Variants in NLGN1 observed in about 807,000 individuals in gnomAD.
NLGN1 encodes the protein neuroligin-1.
In NLGN1, 12 loss-of-function variants were observed where a neutral mutation model predicts 65.5. That is an observed-to-expected ratio of 0.18 (90% CI 0.12 to 0.30). The LOEUF (loss-of-function observed/expected upper bound fraction) is 0.30, where lower values mean the gene tolerates loss of function less well. Ranked by LOEUF, NLGN1 falls within the 10% of genes least tolerant of loss-of-function variation. The pLI is 1.00. For missense variants in NLGN1, 750 were observed against 1,007.1 expected (o/e 0.74, Z 3.46); for synonymous variants, 350 against 359.5 (o/e 0.97, Z 0.30).
intron 4 of NLGN1, among the ~76,000 whole-genome samples, chr3:174,104,588 A>G (rs914870832): frequency 2.6e-5 from 4 of 152,206 alleles, no homozygotes; most frequent in Non-Finnish European, 5.9e-5. Context: ...AATCTAAATA[A>G]GAATAAAAGA....
At chr3:173,480,081 C>T (rs186215060) in intron 2 of NLGN1, among the ~76,000 whole-genome samples, 89 of 152,144 alleles carry the variant, frequency 5.8e-4, no homozygotes, top group Admixed American at 1.3e-3. Flanking sequence ...TTAGTTCAGA[C>T]GGTTTGGAGT....
At chr3:173,956,180 A>T (rs1328608683) in intron 4 of NLGN1, among the ~76,000 whole-genome samples, 1 of 152,134 alleles carries the variant, frequency 6.6e-6, no homozygotes. Context: ...TTTAAAATAA[A>T]TAAATCAAGC....
chr3:174,210,776 G>C (rs1736309807), intron 4 of NLGN1, among the ~76,000 whole-genome samples: 1 of 152,152 alleles, frequency 6.6e-6, no homozygotes, highest in African/African-American at 2.4e-5. Context: ...ATCAACGCCA[G>C]AGCAACAGGA....
chr3:173,826,274 T>G (rs1215874639), intron 4 of NLGN1, among the ~76,000 whole-genome samples: 1 of 152,108 alleles, frequency 6.6e-6, no homozygotes, highest in African/African-American at 2.4e-5. Context: ...CTTAATCTTG[T>G]ATCTCTGCCA....
chr3:173,477,332 C>T (rs1576879419), intron 2 of NLGN1, among the ~76,000 whole-genome samples: 1 of 151,888 alleles, frequency 6.6e-6, no homozygotes, highest in African/African-American at 2.4e-5. Context: ...CTTGAGGCCA[C>T]GAATTCAAGA....
chr3:173,785,147 C>T (rs946550225), intron 3 of NLGN1, among the ~76,000 whole-genome samples: 2 of 152,184 alleles, frequency 1.3e-5, no homozygotes, highest in African/African-American at 4.8e-5. Context: ...TCAAAAGCCG[C>T]CCCACTTCCC....
At chr3:174,175,193 ATT>A (rs1281054754) in intron 4 of NLGN1, among the ~76,000 whole-genome samples, 1 of 151,532 alleles carries the variant, frequency 6.6e-6, no homozygotes, top group Non-Finnish European at 1.5e-5. Flanking sequence ...TTCTTTGCTG[ATT>A]TTTTTTGTCT....
rs116426273 is a variant in NLGN1 at position 173,889,940 on chromosome 3, A to G, written c.646+82108A>G. ...AATGCAATAAATTGTGGGAACTGGT[A>G]GAGATTTTGCCAAAAATAAAGGGCC... On this transcript the variant is annotated intron_variant, in intron 4 of 6. Coordinates refer to ENST00000457714, the Ensembl canonical transcript of NLGN1. Among the ~76,000 whole-genome samples the G allele has an allele frequency of 2.8e-3, 421 of 152,136 alleles. 3 individuals carry two copies. The highest frequency in any genetic ancestry group is 9.2e-3 in the African/African-American group (383 of 41,518).
intron 4 of NLGN1, among the ~76,000 whole-genome samples, chr3:174,062,727 C>A (rs1391958668): frequency 6.6e-6 from 1 of 151,788 alleles, no homozygotes; most frequent in Non-Finnish European, 1.5e-5. Context: ...GTTGAAATTG[C>A]TATCTTTGTG....
intron 4 of NLGN1, among the ~76,000 whole-genome samples, chr3:173,812,927 C>A (rs4894454): frequency 0.094 from 14,077 of 149,456 alleles, 693 homozygotes; most frequent in Middle Eastern, 0.13. Context: ...AAAGAGCTTT[C>A]ACTATAGTTG....
At chr3:174,011,712 C>T (rs1725586330) in intron 4 of NLGN1, among the ~76,000 whole-genome samples, 2 of 152,202 alleles carry the variant, frequency 1.3e-5, no homozygotes, top group Admixed American at 6.5e-5. Flanking sequence ...AATGGAGATA[C>T]TACCACCTAC....
chr3:173,412,782 C>T (rs759981367), intron 1 of NLGN1, among the ~76,000 whole-genome samples: 8 of 152,318 alleles, frequency 5.3e-5, no homozygotes, highest in Non-Finnish European at 7.3e-5. Context: ...TTGACAGCAT[C>T]AGGCATATCC....
chr3:174,160,678 A>G (rs750794632), intron 4 of NLGN1, among the ~76,000 whole-genome samples: 23 of 150,460 alleles, frequency 1.5e-4, no homozygotes, highest in Non-Finnish European at 2.2e-4. Flanking sequence ...ATAGGAATAT[A>G]TATTATTCCA....
intron 1 of NLGN1, among the ~76,000 whole-genome samples, chr3:173,410,342 A>C (rs67200533): frequency 0.11 from 16,309 of 152,228 alleles, 2,382 homozygotes; most frequent in African/African-American, 0.34. Flanking sequence ...GTGCTCACCT[A>C]CTAATAGCCA....
In NLGN1 at chr3:174,066,564, C is replaced by CTCTCTCTCTCTG. The variant is rs1553925385; in HGVS notation, c.647-208750_647-208749insCTCTCTCTCTGT. ...TCTCTCTCTCTCTCTCTCTCTCTCT[C>CTCTCTCTCTCTG]TGTGTGTGTGTGTGTGTGTGTGTGT... On this transcript the variant is annotated intron_variant, in intron 4 of 6. Transcript: ENST00000457714. Among the ~76,000 whole-genome samples, 285 of 99,972 alleles carry CTCTCTCTCTCTG rather than the reference C, an allele frequency of 2.9e-3. 1 individual carries two copies. The highest frequency in any genetic ancestry group is 4.1e-3 in the East Asian group (12 of 2,900). 65.6% of individuals were successfully genotyped at this position (99,972 alleles called of 152,430 possible).
chr3:174,046,428 A>C (rs531524054), intron 4 of NLGN1, among the ~76,000 whole-genome samples: 1 of 151,614 alleles, frequency 6.6e-6, no homozygotes, highest in African/African-American at 2.4e-5. Flanking sequence ...TTGTAGCTCT[A>C]CATTAGTGCA....
rs192391262 is a variant in NLGN1, at chr3:173,848,841, A to G, written c.646+41009A>G. ...ATGTGAACTATTTTATTTTCTGACT[A>G]TTACAAAATTAAATAGGATATACCA... On this transcript the variant is annotated intron_variant, in intron 4 of 6. Transcript: ENST00000457714. Among the ~76,000 whole-genome samples, 460 of 152,288 alleles carry G rather than the reference A, an allele frequency of 3.0e-3. 2 individuals are homozygous for G. The highest frequency in any genetic ancestry group is 4.9e-3 in the Non-Finnish European group (332 of 68,008).
intron 2 of NLGN1, among the ~76,000 whole-genome samples, chr3:173,549,129 C>T (rs1380165520): frequency 1.3e-5 from 2 of 151,874 alleles, no homozygotes; most frequent in Non-Finnish European, 2.9e-5. Flanking sequence ...CAAATATGTT[C>T]ACCATCATTG....
intron 4 of NLGN1, among the ~76,000 whole-genome samples, chr3:174,241,174 T>C (rs546895017): frequency 1.3e-5 from 2 of 152,312 alleles, no homozygotes; most frequent in Middle Eastern, 3.4e-3. Context: ...AAAGTCTCTT[T>C]ATACTCATTT....
Sources: gnomAD v4.1 joint callset for allele counts (sites outside exome capture counted in the v4.1 genomes callset) on GRCh38, gnomAD v4.1.1 for gene constraint, MANE v1.5 for transcripts, NCBI Gene and HGNC (gene_info 2026-07-23, HGNC 2026-07-21) for gene names.